Variants in ZNF486 observed in about 807,000 individuals in gnomAD.
ZNF486 encodes the protein zinc finger protein 486.
In ZNF486, 12 loss-of-function variants were observed where a neutral mutation model predicts 12.8. The ratio of observed to expected loss-of-function variants is 0.94; its 90% CI spans 0.60 to 1.52. ZNF486 has a LOEUF of 1.52. ZNF486 is among the 40% of genes most tolerant of loss of function. The pLI, the probability that ZNF486 is intolerant of heterozygous loss-of-function variation, is 0.00. For synonymous variants in ZNF486, 231 were observed against 184.9 expected, an observed-to-expected ratio of 1.25 and a Z score of -2.02; for missense variants, 738 against 545.0, an observed-to-expected ratio of 1.35 and a Z score of -3.53.
chr19:20,174,198 A>G (rs1288144478), intron 1 of ZNF486, among the ~76,000 whole-genome samples: 1 of 152,158 alleles, frequency 6.6e-6, no homozygotes, highest in Admixed American at 6.5e-5. Flanking sequence ...ATCCAAGGAA[A>G]TTATCCAATA....
intron 1 of ZNF486, among the ~76,000 whole-genome samples, chr19:20,180,398 C>T (rs1477303996): frequency 5.9e-5 from 9 of 152,128 alleles, no homozygotes; most frequent in East Asian, 1.9e-4. Context: ...ATGGTTCCTA[C>T]AGTCCAGAAA....
chr19:20,176,289 G>A (rs1037069297), intron 1 of ZNF486: 28 of 180,408 alleles, frequency 1.6e-4, no homozygotes, highest in East Asian at 7.3e-4. Flanking sequence ...AGAGGTGCTC[G>A]TCACTTCCTA....
Position 20,184,502 on chromosome 19 carries a change from A to G in ZNF486, c.157+20A>G, listed in dbSNP as rs782723917. 3.3e-5 allele frequency: 52 copies of G among 1,558,354 alleles called. 1 individual carries two copies. In the South Asian group the frequency reaches 5.2e-4, roughly 15 times the overall value. ...TCCTTGGTGAGGATAACTTAAATAC[A>G]TAATTCATAAAAAACCCCAAAAGTT... On this transcript the variant is annotated intron_variant, in intron 2 of 3. Coordinates refer to ENST00000335117, the MANE Select transcript of ZNF486 (RefSeq NM_052852.4).
Position 20,199,934 on chromosome 19 carries a change from C to A in ZNF486, c.*1832C>A, listed in dbSNP as rs2089997702. On this transcript the variant is annotated 3_prime_UTR_variant, in exon 4 of 4. Transcript: ENST00000335117. Reference sequence around the variant, plus strand: ...ACTAAAAATACAAAAATTAGCCATGCATGGTGGCCGGCGCGTATAATCCCA... The same window carrying A: ...ACTAAAAATACAAAAATTAGCCATGAATGGTGGCCGGCGCGTATAATCCCA... 1 of 151,980 alleles carries A rather than the reference C, an allele frequency of 6.6e-6. No homozygotes were observed. The highest frequency in any genetic ancestry group is 1.5e-5 in the Non-Finnish European group (1 of 68,036). 9.4% of individuals were successfully genotyped at this position (151,980 alleles called of 1,614,324 possible). A position where few individuals can be genotyped will look rare whatever the true frequency, so the allele number is the denominator to read the frequency against.
intron 1 of ZNF486, among the ~76,000 whole-genome samples, chr19:20,172,833 A>G (rs1487656794): frequency 2.7e-5 from 4 of 150,234 alleles, no homozygotes; most frequent in Non-Finnish European, 4.4e-5. Flanking sequence ...AGTAGAGACG[A>G]GGTTTCACCC....
At chr19:20,178,310 C>T (rs1599702330) in intron 1 of ZNF486, among the ~76,000 whole-genome samples, 1 of 152,020 alleles carries the variant, frequency 6.6e-6, no homozygotes, top group Non-Finnish European at 1.5e-5. Context: ...GTGGTGCCTT[C>T]TCGGCTCACT....
chr19:20,168,641 C>G (rs1417677364), intron 1 of ZNF486, among the ~76,000 whole-genome samples: 2 of 148,640 alleles, frequency 1.3e-5, no homozygotes, highest in Admixed American at 6.7e-5. Context: ...GCAACAACAG[C>G]GAAACTCCGT....
rs558552453 is a variant in ZNF486, at chr19:20,197,242, G to GA, written c.540dup (p.Pro181ThrfsTer8). Reference sequence around the variant, plus strand: ...AAAGAGACATAAAAGAAGACATACTGAAAAAAAACCTTTGAAATATATAGA... The same window carrying GA: ...AAAGAGACATAAAAGAAGACATACTGAAAAAAAAACCTTTGAAATATATAGA... On this transcript the variant is annotated frameshift_variant, in exon 4 of 4. Transcript: ENST00000335117. LOFTEE classifies it low-confidence loss of function (END_TRUNC). 463 of 1,609,582 alleles carry GA rather than the reference G, an allele frequency of 2.9e-4. 2 individuals carry two copies. In the African/African-American group the frequency reaches 5.4e-3, roughly 19 times the overall value.
At chr19:20,173,020 T>G (rs2089667071) in intron 1 of ZNF486, among the ~76,000 whole-genome samples, 1 of 152,220 alleles carries the variant, frequency 6.6e-6, no homozygotes. Context: ...TGTAGATTGT[T>G]TACTCTGTTG....
chr19:20,179,317 ACT>A (rs554828778), intron 1 of ZNF486, among the ~76,000 whole-genome samples: 510 of 152,204 alleles, frequency 3.4e-3, no homozygotes, highest in Non-Finnish European at 5.9e-3. Context: ...TTGACAAACA[ACT>A]CTGCATCAGC....
intron 1 of ZNF486, among the ~76,000 whole-genome samples, chr19:20,180,056 CA>C (rs1327151723): frequency 7.2e-5 from 11 of 152,242 alleles, no homozygotes; most frequent in African/African-American, 2.7e-4. Flanking sequence ...TGAGTTTCTC[CA>C]GATGGCTTAT....
At chr19:20,169,928 TC>T (rs1339837816) in intron 1 of ZNF486, among the ~76,000 whole-genome samples, 1 of 144,450 alleles carries the variant, frequency 6.9e-6, no homozygotes, top group Non-Finnish European at 1.5e-5. Flanking sequence ...TCTCACTCCG[TC>T]GCCCAGGCTG....
chr19:20,196,481 A>C (rs2089959499), intron 3 of ZNF486, among the ~76,000 whole-genome samples: 2 of 152,144 alleles, frequency 1.3e-5, no homozygotes, highest in Non-Finnish European at 2.9e-5. Flanking sequence ...GCGGCCCATG[A>C]CCATGACTGG....
At chr19:20,169,121 T>G (rs2089617987) in intron 1 of ZNF486, among the ~76,000 whole-genome samples, 1 of 151,962 alleles carries the variant, frequency 6.6e-6, no homozygotes, top group African/African-American at 2.4e-5. Flanking sequence ...TTACTACATT[T>G]TTTTTATTTT....
At chr19:20,196,105 G>A (rs1251692939) in intron 3 of ZNF486, among the ~76,000 whole-genome samples, 4 of 152,120 alleles carry the variant, frequency 2.6e-5, no homozygotes, top group African/African-American at 9.7e-5. Context: ...TACATTCTCT[G>A]CCTCCACAGT....
chr19:20,188,734 T>C (rs1281151806), intron 3 of ZNF486: 1 of 327,362 alleles, frequency 3.1e-6, no homozygotes, highest in East Asian at 4.7e-5. Context: ...TTACATCTTG[T>C]AAAACTAAAA....
chr19:20,177,935 C>CTCTTTTTTTTTTTTT (rs2089740286), intron 1 of ZNF486, among the ~76,000 whole-genome samples: 1 of 145,096 alleles, frequency 6.9e-6, no homozygotes, highest in African/African-American at 2.7e-5. Context: ...AACATTTGTT[C>CTCTTTTTTTTTTTTT]TTTTTTTTTG....
At chr19:20,193,737 AACTT>A (rs1555717533) in intron 3 of ZNF486, among the ~76,000 whole-genome samples, 2 of 152,224 alleles carry the variant, frequency 1.3e-5, no homozygotes, top group African/African-American at 2.4e-5. Flanking sequence ...GCAATAGAAA[AACTT>A]ACTGTTATTT....
At chr19:20,190,578 T>C (rs1338871780) in intron 3 of ZNF486, among the ~76,000 whole-genome samples, 4 of 152,224 alleles carry the variant, frequency 2.6e-5, no homozygotes, top group Admixed American at 1.3e-4. Flanking sequence ...AGTGTTAGGA[T>C]CTCATTATGT....
Sources: gnomAD v4.1 joint callset for allele counts (sites outside exome capture counted in the v4.1 genomes callset) on GRCh38, gnomAD v4.1.1 for gene constraint, MANE v1.5 for transcripts, NCBI Gene and HGNC (gene_info 2026-07-23, HGNC 2026-07-21) for gene names.